The following SLC9A9 variants were observed in gnomAD, a reference collection of about 807,000 sequenced individuals.
SLC9A9 encodes the protein solute carrier family 9 member A9.
SLC9A9 carries 62 observed loss-of-function variants against 77.8 expected under a neutral mutation model. The ratio of observed to expected loss-of-function variants is 0.80; its 90% CI spans 0.65 to 0.98. The LOEUF is 0.98. SLC9A9 is among the 50% of genes least tolerant of loss of function. The probability of loss-of-function intolerance (pLI) is 0.00; values close to 1 mark genes in which losing one functional copy is unlikely to be tolerated. For missense variants in SLC9A9, 775 were observed against 774.9 expected (o/e 1.00, Z 0.00); for synonymous variants, 320 against 283.5 (o/e 1.13, Z -1.29).
chr3:143,375,716 T>A (rs965312347), intron 13 of SLC9A9, among the ~76,000 whole-genome samples: 1 of 152,226 alleles, frequency 6.6e-6, no homozygotes, highest in Non-Finnish European at 1.5e-5. Flanking sequence ...ACAAGTCCAC[T>A]ATAGAACAAC....
chr3:143,392,286 G>C (rs982517907), intron 12 of SLC9A9, among the ~76,000 whole-genome samples: 5 of 152,104 alleles, frequency 3.3e-5, no homozygotes, highest in Non-Finnish European at 7.4e-5. Flanking sequence ...AAGACAGTGG[G>C]GCCAATATTC....
intron 5 of SLC9A9, among the ~76,000 whole-genome samples, chr3:143,657,666 A>G (rs1361096977): frequency 6.6e-6 from 1 of 152,202 alleles, no homozygotes; most frequent in Non-Finnish European, 1.5e-5. Context: ...AGCTGTCTTC[A>G]TTTGCACTAC....
Position 143,696,965 on chromosome 3 carries a change from A to T in SLC9A9, c.534-3658T>A, listed in dbSNP as rs548784783. 8.5e-5 allele frequency among the ~76,000 whole-genome samples: 13 copies of T among 152,156 alleles called. No individual in the cohort carries two copies. In the East Asian group the frequency reaches 2.5e-3, roughly 29 times the overall value. ...TAGCTTATTAAATAGTTTCCTATAA[A>T]TTTATACCAAGAAATTAATAAAATA... is the stretch of plus-strand genomic sequence containing the variant. On this transcript the variant is annotated intron_variant, in intron 4 of 15. Transcript: ENST00000316549.
chr3:143,715,887 A>G (rs78232223), intron 4 of SLC9A9, among the ~76,000 whole-genome samples: 5,232 of 152,310 alleles, frequency 0.034, 292 homozygotes, highest in African/African-American at 0.12. Flanking sequence ...CCAAAGAGGT[A>G]TGATTTGCCA....
intron 1 of SLC9A9, among the ~76,000 whole-genome samples, chr3:143,841,208 G>GCA (rs146636138): frequency 1.3e-5 from 2 of 151,042 alleles, no homozygotes; most frequent in South Asian, 2.1e-4. Flanking sequence ...ATACACACAC[G>GCA]CACACACACA....
chr3:143,806,281 C>G (rs2008711113), intron 2 of SLC9A9, among the ~76,000 whole-genome samples: 1 of 152,170 alleles, frequency 6.6e-6, no homozygotes, highest in Non-Finnish European at 1.5e-5. Context: ...CCTGTGATAT[C>G]TGCCCGATTT....
chr3:143,754,989 A>G (rs572982426), intron 4 of SLC9A9, among the ~76,000 whole-genome samples: 5 of 152,330 alleles, frequency 3.3e-5, no homozygotes, highest in African/African-American at 1.2e-4. Flanking sequence ...CTTGGTTTAT[A>G]GCACCCGGAC....
At chr3:143,359,265 C>T (rs1559881929) in intron 14 of SLC9A9, among the ~76,000 whole-genome samples, 1 of 152,140 alleles carries the variant, frequency 6.6e-6, no homozygotes, top group Middle Eastern at 3.4e-3. Context: ...TGTTCTATGC[C>T]CTGAGGACAT....
intron 11 of SLC9A9, among the ~76,000 whole-genome samples, chr3:143,477,339 T>C (rs2035494932): frequency 2.8e-5 from 4 of 144,380 alleles, no homozygotes. Flanking sequence ...AATTTTTTTT[T>C]TTTTTTTTCC....
intron 4 of SLC9A9, among the ~76,000 whole-genome samples, chr3:143,711,944 G>T (rs911360518): frequency 1.3e-5 from 2 of 152,162 alleles, no homozygotes; most frequent in African/African-American, 4.8e-5. Flanking sequence ...AAATATTTCT[G>T]ACAATCACCT....
intron 6 of SLC9A9, among the ~76,000 whole-genome samples, chr3:143,610,424 G>A (rs2038005889): frequency 1.3e-5 from 2 of 152,214 alleles, no homozygotes; most frequent in African/African-American, 4.8e-5. Flanking sequence ...TGGGATTACA[G>A]GCATGGGCCA....
chr3:143,754,914 A>G (rs939804373), intron 4 of SLC9A9, among the ~76,000 whole-genome samples: 1 of 152,150 alleles, frequency 6.6e-6, no homozygotes, highest in African/African-American at 2.4e-5. Context: ...AGTTTTAGTA[A>G]AAGTCTCCCC....
chr3:143,603,161 A>G (rs543550246), intron 6 of SLC9A9, among the ~76,000 whole-genome samples: 1 of 152,376 alleles, frequency 6.6e-6, no homozygotes, highest in African/African-American at 2.4e-5. Flanking sequence ...GATCAATAAC[A>G]TAAATATTGA....
chr3:143,384,941 C>T (rs1436952942), intron 12 of SLC9A9, among the ~76,000 whole-genome samples: 1 of 152,202 alleles, frequency 6.6e-6, no homozygotes, highest in African/African-American at 2.4e-5. Flanking sequence ...GTGATATTAG[C>T]TGCTTTTGAG....
At chr3:143,506,310 T>C (rs894960804) in intron 9 of SLC9A9, among the ~76,000 whole-genome samples, 1 of 152,238 alleles carries the variant, frequency 6.6e-6, no homozygotes, top group African/African-American at 2.4e-5. Context: ...AACCTGGAAC[T>C]GAACATTGCC....
At chr3:143,815,059 GA>G (rs1457548094) in intron 2 of SLC9A9, among the ~76,000 whole-genome samples, 1 of 152,064 alleles carries the variant, frequency 6.6e-6, no homozygotes, top group African/African-American at 2.4e-5. Context: ...GGGAAGGAAG[GA>G]GGCAGGAGAG....
At chr3:143,585,654 T>C (rs1014047137) in intron 6 of SLC9A9, among the ~76,000 whole-genome samples, 1 of 152,210 alleles carries the variant, frequency 6.6e-6, no homozygotes, top group Non-Finnish European at 1.5e-5. Flanking sequence ...ACAGATATTT[T>C]GGGCTAACAT....
At chr3:143,747,867 A>G (rs1935232137) in intron 4 of SLC9A9, among the ~76,000 whole-genome samples, 1 of 152,068 alleles carries the variant, frequency 6.6e-6, no homozygotes, top group Admixed American at 6.5e-5. Context: ...TACATTATAG[A>G]CCTCCTTAGG....
At chr3:143,635,918 C>T (rs1030269119) in intron 6 of SLC9A9, among the ~76,000 whole-genome samples, 1 of 152,146 alleles carries the variant, frequency 6.6e-6, no homozygotes, top group African/African-American at 2.4e-5. Context: ...GTTTCAACGG[C>T]TATTTTTTTT....
Sources: gnomAD v4.1 joint callset for allele counts (sites outside exome capture counted in the v4.1 genomes callset) on GRCh38, gnomAD v4.1.1 for gene constraint, MANE v1.5 for transcripts, NCBI Gene and HGNC (gene_info 2026-07-23, HGNC 2026-07-21) for gene names.